COP1: variants seen among roughly 807,000 people sequenced by gnomAD.
COP1 encodes the protein COP1 E3 ubiquitin ligase.
Under a neutral mutation model 101.3 loss-of-function variants are expected in COP1, and 24 were observed. The ratio of observed to expected loss-of-function variants is 0.24; its 90% CI spans 0.17 to 0.33. The LOEUF (loss-of-function observed/expected upper bound fraction) is 0.33. COP1 is among the 10% of genes least tolerant of loss of function. The pLI is 1.00. For synonymous variants in COP1, 347 were observed against 341.9 expected, an observed-to-expected ratio of 1.01 and a Z score of -0.17; for missense variants, 663 against 906.2, an observed-to-expected ratio of 0.73 and a Z score of 3.45.
At chr1:176,187,632 T>C (rs1374949438) in intron 1 of COP1, among the ~76,000 whole-genome samples, 1 of 152,192 alleles carries the variant, frequency 6.6e-6, no homozygotes, top group Non-Finnish European at 1.5e-5. Context: ...ATCTACAGCT[T>C]TGTGACTTTG....
chr1:176,205,643 C>A (rs1406743577), intron 1 of COP1, among the ~76,000 whole-genome samples: 1 of 152,192 alleles, frequency 6.6e-6, no homozygotes, highest in Non-Finnish European at 1.5e-5. Context: ...ATAATCCTAC[C>A]AATATCTAAA....
rs541214971 is a variant in COP1, at chr1:175,956,808, G to A, written c.2134-9569C>T. Among the ~76,000 whole-genome samples, 3 of 152,196 alleles carry A rather than the reference G, an allele frequency of 2.0e-5. No individual in the cohort carries two copies. In the South Asian group the frequency reaches 6.2e-4, roughly 32 times the overall value. On this transcript the variant is annotated intron_variant, in intron 18 of 19. Transcript: ENST00000367669. Reference sequence around the variant, plus strand: ...AAAAAGTTACTGTAAAATAGGCTCAGGCAGGTCCTTCAGGAGATACTCCAG... The same window carrying A: ...AAAAAGTTACTGTAAAATAGGCTCAAGCAGGTCCTTCAGGAGATACTCCAG...
intron 18 of COP1, among the ~76,000 whole-genome samples, chr1:175,976,784 G>C: frequency 6.6e-6 from 1 of 152,102 alleles, no homozygotes; most frequent in East Asian, 1.9e-4. Context: ...TACATATTCT[G>C]AATCTGACAA....
At chr1:176,060,434 TTAC>T (rs765811343) in intron 11 of COP1, among the ~76,000 whole-genome samples, 6 of 152,202 alleles carry the variant, frequency 3.9e-5, no homozygotes, top group Admixed American at 2.6e-4. Context: ...GTCCCCAAAG[TTAC>T]TACGACATTT....
chr1:175,983,336 T>G (rs1242794391), intron 18 of COP1, among the ~76,000 whole-genome samples: 1 of 152,184 alleles, frequency 6.6e-6, no homozygotes, highest in Admixed American at 6.5e-5. Flanking sequence ...TGACAGTGAA[T>G]AAGTCTCATG....
Position 176,144,952 on chromosome 1 carries a change from T to C in COP1, c.831+4054A>G, listed in dbSNP as rs149857919. Among the ~76,000 whole-genome samples, 75 of 152,142 alleles carry C rather than the reference T, an allele frequency of 4.9e-4. No homozygotes were observed. In the East Asian group the frequency reaches 0.013, roughly 27 times the overall value. On this transcript the variant is annotated intron_variant, in intron 6 of 19. Transcript: ENST00000367669. ...AGAAAAATGTCTTCATGACCACAGG[T>C]GGAAAAGACTTCTTTAAGTGACACA... is the stretch of plus-strand genomic sequence containing the variant.
At chr1:175,955,650 A>T (rs1190329504) in intron 18 of COP1, among the ~76,000 whole-genome samples, 5 of 152,302 alleles carry the variant, frequency 3.3e-5, no homozygotes, top group South Asian at 4.1e-4. Context: ...TCAGACACAA[A>T]GTCAATTATA....
chr1:176,106,830 C>CT (rs1684401827), intron 9 of COP1, among the ~76,000 whole-genome samples: 1 of 152,134 alleles, frequency 6.6e-6, no homozygotes, highest in South Asian at 2.1e-4. Context: ...TTGACTCTGT[C>CT]TAGGCAGCAG....
chr1:176,145,939 C>T (rs1691527524), intron 6 of COP1, among the ~76,000 whole-genome samples: 2 of 152,102 alleles, frequency 1.3e-5, no homozygotes, highest in Non-Finnish European at 1.5e-5. Context: ...TTGCATTGTG[C>T]TTACAATGGT....
chr1:176,033,216 A>T (rs988291661), intron 14 of COP1, among the ~76,000 whole-genome samples: 1 of 152,106 alleles, frequency 6.6e-6, no homozygotes, highest in East Asian at 1.9e-4. Context: ...GTTGGAGACC[A>T]GCCTGACCAA....
At chr1:176,026,692 G>C (rs764754090) in intron 15 of COP1, among the ~76,000 whole-genome samples, 6 of 152,092 alleles carry the variant, frequency 3.9e-5, no homozygotes, top group Admixed American at 6.6e-5. Context: ...AAAAAGTATA[G>C]TGACATGGTT....
chr1:176,176,420 A>G (rs930164380), intron 2 of COP1, among the ~76,000 whole-genome samples: 1 of 152,216 alleles, frequency 6.6e-6, no homozygotes, highest in Non-Finnish European at 1.5e-5. Context: ...AAACTCAACG[A>G]AAGACAAAAA....
At chr1:176,179,615 T>TG (rs1044088868) in intron 2 of COP1, among the ~76,000 whole-genome samples, 1 of 152,034 alleles carries the variant, frequency 6.6e-6, no homozygotes, top group Non-Finnish European at 1.5e-5. Context: ...TCTGTCCCTG[T>TG]GATCCTAGCT....
At chr1:176,090,156 A>C (rs1263823711) in intron 9 of COP1, among the ~76,000 whole-genome samples, 2 of 152,170 alleles carry the variant, frequency 1.3e-5, no homozygotes, top group Non-Finnish European at 2.9e-5. Context: ...ACCAAGAGTC[A>C]ATCTAAAAAT....
chr1:176,089,041 G>A (rs954609487), intron 9 of COP1, among the ~76,000 whole-genome samples: 2 of 149,158 alleles, frequency 1.3e-5, no homozygotes, highest in African/African-American at 2.5e-5. Context: ...GGTGGCTCAC[G>A]CCTGTAATCC....
chr1:176,000,232 T>C (rs1256526118), intron 15 of COP1, among the ~76,000 whole-genome samples: 2 of 152,116 alleles, frequency 1.3e-5, no homozygotes, highest in South Asian at 2.1e-4. Context: ...GTTTTGTAGT[T>C]TGAAGTCTTA....
intron 8 of COP1, among the ~76,000 whole-genome samples, chr1:176,121,422 G>C (rs915032253): frequency 6.6e-6 from 1 of 152,014 alleles, no homozygotes; most frequent in Admixed American, 6.6e-5. Context: ...AAATCTATGC[G>C]ACTAATCTGT....
intron 18 of COP1, among the ~76,000 whole-genome samples, chr1:175,977,979 G>A (rs751114043): frequency 1.3e-5 from 2 of 152,038 alleles, no homozygotes; most frequent in African/African-American, 2.4e-5. Flanking sequence ...ATTACCAAAA[G>A]ATAAACATTA....
At chr1:176,001,557 ACAAC>A (rs988974769) in intron 15 of COP1, among the ~76,000 whole-genome samples, 43 of 152,268 alleles carry the variant, frequency 2.8e-4, no homozygotes, top group African/African-American at 1.0e-3. Context: ...CTCAGGGTAA[ACAAC>A]TGCAGCCGCA....
Sources: gnomAD v4.1 joint callset for allele counts (sites outside exome capture counted in the v4.1 genomes callset) on GRCh38, gnomAD v4.1.1 for gene constraint, MANE v1.5 for transcripts, NCBI Gene and HGNC (gene_info 2026-07-23, HGNC 2026-07-21) for gene names.